Variants in CTSW observed in about 807,000 individuals in gnomAD.
The protein encoded by CTSW is lymphopain.
Under a neutral mutation model 43.8 loss-of-function variants are expected in CTSW, and 42 were observed. The ratio of observed to expected loss-of-function variants is 0.96; its 90% CI spans 0.75 to 1.24. The LOEUF is 1.24. CTSW is among the 50% of genes most tolerant of loss of function. The pLI, the probability that CTSW is intolerant of heterozygous loss-of-function variation, is 0.00. For synonymous variants in CTSW, 191 were observed against 184.8 expected, an observed-to-expected ratio of 1.03 and a Z score of -0.27; for missense variants, 475 against 479.9, an observed-to-expected ratio of 0.99 and a Z score of 0.09.
Position 65,880,328 on chromosome 11 carries a change from T to C in CTSW, c.172+42T>C, listed in dbSNP as rs1170955872. The C allele has an allele frequency of 3.3e-6, 5 of 1,492,776 alleles. No homozygotes were observed. In the Admixed American group the frequency reaches 5.8e-5, roughly 17 times the overall value. 92.5% of individuals were successfully genotyped at this position (1,492,776 alleles called of 1,614,324 possible). ...ACATCTCCAGTCCAAGCCCCCACTT[T>C]TTTTTTTTTTGAGACGGAGTTTCAC... On this transcript the variant is annotated intron_variant, in intron 2 of 9. Transcript: ENST00000307886.
At chr11:65,880,117 G>C (rs1459559870) in intron 1 of CTSW, 85 bp from the exon 2 acceptor site, 1 of 1,346,916 alleles carries the variant, frequency 7.4e-7, no homozygotes. Flanking sequence ...CCCTAGCCCA[G>C]TCCTTGCACG....
At chr11:65,883,013 G>C (rs1194101126) in intron 7 of CTSW, 56 bp from the exon 8 acceptor site, 36 of 1,612,904 alleles carry the variant, frequency 2.2e-5, no homozygotes, top group Non-Finnish European at 3.0e-5. Flanking sequence ...GGGAGCGAAG[G>C]AGCGAGAGAC....
chr11:65,880,321 C>G (rs1591071908), intron 2 of CTSW, 35 bp downstream of exon 2: 1 of 1,562,864 alleles, frequency 6.4e-7, no homozygotes, highest in East Asian at 2.3e-5. Flanking sequence ...AGTCCAAGCC[C>G]CCACTTTTTT....
In CTSW at chr11:65,883,122, A is replaced by C. The variant is rs1167977710; in HGVS notation, c.799A>C (p.Lys267Gln). 1.2e-6 allele frequency: 2 copies of C among 1,614,102 alleles called. No individual in the cohort carries two copies. Among genetic ancestry groups the C allele is most frequent in the Non-Finnish European group, 1.7e-6 (2 of 1,180,024 alleles). Residue 267 changes from lysine (K) to glutamine (Q), a missense_variant, in exon 8 of 10, where the codon AAG becomes CAG. Coordinates refer to ENST00000307886, the MANE Select transcript of CTSW (RefSeq NM_001335.4). ...CCCCATCACCGTGACCATCAACATG[A>C]AGCCCCTTCAGGTGAGATGGGGGAG... ...YGPITVTINM[K>Q]PLQLYRKGVI...
rs1860125801 is a variant in CTSW at position 65,882,643 on chromosome 11, C to T, written c.573C>T (p.Cys191=). The T allele has an allele frequency of 6.2e-7, 1 of 1,614,176 alleles. No individual in the cohort carries two copies. The highest frequency in any genetic ancestry group is 8.5e-7 in the Non-Finnish European group (1 of 1,180,038). ...ACTGTGGCCGCTGTGGGGATGGCTG[C>T]CACGGTGGCTTCGTCTGGGACGCGT... ...LLDCGRCGDG[C]HGGFVWDAFI... is the part of the protein sequence containing the mutation. Residue 191 remains cysteine, a synonymous_variant, in exon 6 of 10, where the codon TGC becomes TGT. Coordinates refer to ENST00000307886, the MANE Select transcript of CTSW (RefSeq NM_001335.4).
chr11:65,883,300 G>C lies in CTSW; in HGVS notation c.896G>C (p.Gly299Ala). The C allele has an allele frequency of 6.2e-7, 1 of 1,614,066 alleles. No individual in the cohort carries two copies. The highest frequency in any genetic ancestry group is 8.5e-7 in the Non-Finnish European group (1 of 1,180,004). ...CACTCTGTCCTGCTGGTGGGTTTTGGCAGCGTCAAGTCAGAGGAGGGGATA... is the reference window on the plus strand; with the variant it reads ...CACTCTGTCCTGCTGGTGGGTTTTGCCAGCGTCAAGTCAGAGGAGGGGATA... ...VDHSVLLVGFGSVKSEEGIWA... is the reference protein window; with the variant it reads ...VDHSVLLVGFASVKSEEGIWA... The change falls in exon 9 of 10, where the codon GGC (glycine) becomes GCC (alanine). Residue 299 changes from glycine to alanine, a missense_variant. Coordinates refer to ENST00000307886, the MANE Select transcript of CTSW (RefSeq NM_001335.4).
chr11:65,883,492 T>G lies in CTSW; in HGVS notation c.1021-16T>G. The G allele has an allele frequency of 6.2e-7, 1 of 1,612,004 alleles. No individual in the cohort carries two copies. The highest frequency in any genetic ancestry group is 8.5e-7 in the Non-Finnish European group (1 of 1,178,336). On this transcript the variant is annotated splice_polypyrimidine_tract_variant and intron_variant, in intron 9 of 9. Coordinates refer to ENST00000307886, the MANE Select transcript of CTSW (RefSeq NM_001335.4). ...CTCTTCCCACCTTCCCGCCCCTATG[T>G]CCCCTAACCTCCTAGGGCTATTTCC...
rs2134764727 is a variant in CTSW, at chr11:65,882,048, A to C, written c.287-127A>C. The C allele has an allele frequency of 6.0e-6, 7 of 1,159,748 alleles. No homozygotes were observed. The South Asian group carries it at 9.0e-5, about 15-fold the overall frequency. The allele number at this position is 1,159,748 out of a possible 1,614,324, so 71.8% of individuals were successfully genotyped here. Reference sequence around the variant, plus strand: ...AGTGCTGGGATTATAGGTGTGAGCCACCACGCCCGGCCTATCCTTGCCTTT... The same window carrying C: ...AGTGCTGGGATTATAGGTGTGAGCCCCCACGCCCGGCCTATCCTTGCCTTT... On this transcript the variant is annotated intron_variant, in intron 3 of 9. Coordinates refer to ENST00000307886, the MANE Select transcript of CTSW (RefSeq NM_001335.4).
Position 65,883,550 on chromosome 11 carries a change from A to G in CTSW, c.1063A>G (p.Thr355Ala). The G allele has an allele frequency of 6.2e-7, 1 of 1,613,994 alleles. No individual in the cohort carries two copies. Among genetic ancestry groups the G allele is most frequent in the East Asian group, 2.2e-5 (1 of 44,882 alleles). Residue 355 changes from threonine (T) to alanine (A), a missense_variant, in exon 10 of 10, where the codon ACC becomes GCC. By Grantham distance (58) the Thr-to-Ala change is moderately conservative (BLOSUM62 0). Coordinates refer to ENST00000307886, the MANE Select transcript of CTSW (RefSeq NM_001335.4). ...LHRGSNTCGI[T>A]KFPLTARVQK... The stretch of plus-strand genomic sequence containing the variant: ...CCGAGGGAGCAATACCTGTGGCATC[A>G]CCAAGTTCCCGCTCACTGCCCGTGT...
Position 65,883,691 on chromosome 11 carries a change from C to T in CTSW, c.*73C>T. The T allele has an allele frequency of 2.2e-6, 3 of 1,358,494 alleles. No individual in the cohort carries two copies. Among genetic ancestry groups the T allele is most frequent in the Admixed American group, 3.5e-5 (2 of 57,180 alleles). 84.2% of individuals were successfully genotyped at this position (1,358,494 alleles called of 1,614,324 possible). On this transcript the variant is annotated 3_prime_UTR_variant, in exon 10 of 10. Coordinates refer to ENST00000307886, the MANE Select transcript of CTSW (RefSeq NM_001335.4). ...TGCCAGCCCCACCCCCAGGTTTTTGCCCATCCTCCCAATCTCAATACAGCC... is the reference window on the plus strand; with the variant it reads ...TGCCAGCCCCACCCCCAGGTTTTTGTCCATCCTCCCAATCTCAATACAGCC...
At chr11:65,880,065 C>A in intron 1 of CTSW, 124 bp downstream of exon 1, 2 of 1,177,654 alleles carry the variant, frequency 1.7e-6, no homozygotes, top group Non-Finnish European at 2.5e-6. Context: ...GGCTGACGTG[C>A]CCAAGGGCAC....
chr11:65,883,697 C>T lies in CTSW; in HGVS notation c.*79C>T. The T allele has an allele frequency of 7.7e-7, 1 of 1,303,074 alleles. No individual in the cohort carries two copies. Among genetic ancestry groups the T allele is most frequent in the East Asian group, 2.4e-5 (1 of 42,070 alleles). 80.7% of individuals were successfully genotyped at this position (1,303,074 alleles called of 1,614,324 possible). ...CCCCACCCCCAGGTTTTTGCCCATC[C>T]TCCCAATCTCAATACAGCCTGAATA... is the stretch of plus-strand genomic sequence containing the variant. On this transcript the variant is annotated 3_prime_UTR_variant, in exon 10 of 10. Transcript: ENST00000307886.
At chr11:65,880,323 C>G (rs550588964) in intron 2 of CTSW, 37 bp downstream of exon 2, 3 of 1,535,836 alleles carry the variant, frequency 2.0e-6, no homozygotes, top group South Asian at 2.3e-5. Context: ...TCCAAGCCCC[C>G]ACTTTTTTTT....
At position 65,879,871 on chromosome 11, in the gene CTSW, A is replaced by G. The variant is rs1457767499; in HGVS notation, c.17A>G (p.His6Arg). MALTA[H>R]PSCLLALLVA... ...TGCACCGGCATGGCACTGACTGCCC[A>G]CCCCTCCTGCCTCCTGGCCCTGTTG... is the stretch of plus-strand genomic sequence containing the variant. Residue 6 changes from histidine to arginine, a missense_variant, in exon 1 of 10, where the codon CAC (histidine) becomes CGC (arginine). His to Arg is a conservative substitution (Grantham distance 29). Transcript: ENST00000307886. The G allele has an allele frequency of 6.2e-7, 1 of 1,613,318 alleles. No homozygotes were observed. Among genetic ancestry groups the G allele is most frequent in the Non-Finnish European group, 8.5e-7 (1 of 1,179,852 alleles).
In CTSW at chr11:65,882,171, C is replaced by T. The variant is rs1464776894; in HGVS notation, c.287-4C>T. ...AGACCTCAGTGGCCCTGTCTGTTCCCCAGAGGAGGAGTTTGGCCAGCTCTA... is the reference window on the plus strand; with the variant it reads ...AGACCTCAGTGGCCCTGTCTGTTCCTCAGAGGAGGAGTTTGGCCAGCTCTA... On this transcript the variant is annotated splice_polypyrimidine_tract_variant and splice_region_variant and intron_variant, in intron 3 of 9. Coordinates refer to ENST00000307886, the MANE Select transcript of CTSW (RefSeq NM_001335.4). 1 of 1,613,920 alleles carries T rather than the reference C, an allele frequency of 6.2e-7. No individual in the cohort carries two copies. Among genetic ancestry groups the T allele is most frequent in the South Asian group, 1.1e-5 (1 of 91,066 alleles).
chr11:65,881,576 A>T (rs1439804070), intron 3 of CTSW, 56 bp downstream of exon 3: 3 of 1,250,530 alleles, frequency 2.4e-6, no homozygotes. Flanking sequence ...CTCCCCAGGG[A>T]CACTGGCAGC....
rs779911843 is a variant in CTSW, at chr11:65,882,363, C to T, written c.441+34C>T. 10 of 1,613,760 alleles carry T rather than the reference C, an allele frequency of 6.2e-6. 1 individual carries two copies. The South Asian group carries it at 1.1e-4, about 18-fold the overall frequency. ...CGCTACCCAGCTGGCTCTAATTCAGCTAAGTGGTGGGAGGGAGAGGGGCAC... is the reference window on the plus strand; with the variant it reads ...CGCTACCCAGCTGGCTCTAATTCAGTTAAGTGGTGGGAGGGAGAGGGGCAC... On this transcript the variant is annotated intron_variant, in intron 4 of 9. Transcript: ENST00000307886.
intron 1 of CTSW, 111 bp downstream of exon 1, chr11:65,880,052 G>C (rs1565277529): frequency 8.2e-7 from 1 of 1,215,810 alleles, no homozygotes; most frequent in Non-Finnish European, 1.2e-6. Flanking sequence ...AGGCTGGAGA[G>C]GGGGCTGACG....
At chr11:65,882,101 C>T in intron 3 of CTSW, 74 bp from the exon 4 acceptor site, 3 of 1,556,598 alleles carry the variant, frequency 1.9e-6, no homozygotes, top group Middle Eastern at 1.8e-4. Context: ...ATGGGACCAA[C>T]AGCTGGAGTG....
Sources: allele counts gnomAD v4.1 joint callset, GRCh38; gene constraint gnomAD v4.1.1; transcripts MANE v1.5; gene names NCBI Gene and HGNC (gene_info 2026-07-23, HGNC 2026-07-21).